ZNF704: variants seen among roughly 807,000 people sequenced by gnomAD.
The protein encoded by ZNF704 is glucocorticoid induced gene 1.
ZNF704 carries 10 observed loss-of-function variants against 44.7 expected under a neutral mutation model. The ratio of observed to expected loss-of-function variants is 0.22; its 90% CI spans 0.14 to 0.38. ZNF704 has a LOEUF of 0.38. ZNF704 is among the 10% of genes least tolerant of loss of function. The probability of loss-of-function intolerance (pLI) is 1.00; values close to 1 mark genes in which losing one functional copy is unlikely to be tolerated. For synonymous variants in ZNF704, 211 were observed against 207.6 expected (o/e 1.02, Z -0.14); for missense variants, 390 against 545.5 (o/e 0.71, Z 2.84).
intron 1 of ZNF704, among the ~76,000 whole-genome samples, chr8:80,846,341 A>G (rs1183819664): frequency 6.6e-6 from 1 of 152,132 alleles, no homozygotes; most frequent in African/African-American, 2.4e-5. Context: ...TTAGAGGGTA[A>G]GAACTAAAAG....
chr8:80,731,844 C>G (rs1465181690), intron 2 of ZNF704, among the ~76,000 whole-genome samples: 1 of 152,162 alleles, frequency 6.6e-6, no homozygotes, highest in African/African-American at 2.4e-5. Flanking sequence ...TGCACATTTT[C>G]CCTTTTTATA....
At chr8:80,728,326 G>A (rs1442452484) in intron 2 of ZNF704, among the ~76,000 whole-genome samples, 1 of 152,102 alleles carries the variant, frequency 6.6e-6, no homozygotes, top group Non-Finnish European at 1.5e-5. Flanking sequence ...TTCTCTACAG[G>A]CCACAATACA....
chr8:80,846,763 C>T (rs940168077), intron 1 of ZNF704, among the ~76,000 whole-genome samples: 2 of 152,114 alleles, frequency 1.3e-5, no homozygotes, highest in African/African-American at 4.8e-5. Flanking sequence ...ATTTCAAACT[C>T]CTAAGGAACT....
intron 3 of ZNF704, among the ~76,000 whole-genome samples, chr8:80,690,508 C>A (rs1265009474): frequency 2.0e-5 from 3 of 152,128 alleles, no homozygotes; most frequent in Admixed American, 6.5e-5. Context: ...AAGCTCAATG[C>A]AACCCCAAAA....
At chr8:80,862,764 C>CA (rs71266094) in intron 1 of ZNF704, among the ~76,000 whole-genome samples, 1,483 of 12,854 alleles carry the variant, frequency 0.12, 212 homozygotes, top group African/African-American at 0.22. Flanking sequence ...GACTCCGTCT[C>CA]AAAAAAAAAA....
At chr8:80,655,532 T>C (rs1362081739) in intron 7 of ZNF704, among the ~76,000 whole-genome samples, 2 of 152,144 alleles carry the variant, frequency 1.3e-5, no homozygotes, top group Non-Finnish European at 2.9e-5. Context: ...AAGGCAGCAA[T>C]GATGGTAGGA....
intron 5 of ZNF704, among the ~76,000 whole-genome samples, chr8:80,665,682 A>G (rs1254913869): frequency 6.6e-6 from 1 of 152,180 alleles, no homozygotes; most frequent in East Asian, 1.9e-4. Context: ...ACCTCTGAAA[A>G]CAGAGATTTA....
chr8:80,800,663 A>G (rs563815243), intron 2 of ZNF704, among the ~76,000 whole-genome samples: 8 of 152,320 alleles, frequency 5.3e-5, no homozygotes, highest in Middle Eastern at 3.4e-3. Context: ...TGAGGGAAGC[A>G]CTAAATATGA....
chr8:80,873,049 T>C (rs1049308398), intron 1 of ZNF704, among the ~76,000 whole-genome samples: 29 of 152,130 alleles, frequency 1.9e-4, no homozygotes, highest in Non-Finnish European at 2.9e-5. Context: ...TCGACAATTG[T>C]TCTTGGTTGG....
intron 1 of ZNF704, among the ~76,000 whole-genome samples, chr8:80,839,537 C>T (rs1808640007): frequency 6.6e-6 from 1 of 152,082 alleles, no homozygotes; most frequent in Admixed American, 6.6e-5. Context: ...AGAAATTAGG[C>T]AATACATATT....
rs1428535915 is a variant in ZNF704, at chr8:80,665,013, T to G, written c.729A>C (p.Thr243=). The change falls in exon 6 of 9, where the codon ACA becomes ACC. Residue 243 remains threonine (T), a synonymous_variant. Coordinates refer to ENST00000327835, the MANE Select transcript of ZNF704 (RefSeq NM_001033723.3). ...TGCTCAGCCCGTCTGCCACTGAGTC[T>G]GTGTTGAGCTTGATCTCAGTGTAGT... is the stretch of plus-strand genomic sequence containing the variant. ...DFYYTEIKLN[T]DSVADGLSSL... is the part of the protein sequence containing the mutation. 4 of 1,614,250 alleles carry G rather than the reference T, an allele frequency of 2.5e-6. No homozygotes were observed. Among genetic ancestry groups the G allele is most frequent in the Non-Finnish European group, 3.4e-6 (4 of 1,180,036 alleles).
intron 2 of ZNF704, among the ~76,000 whole-genome samples, chr8:80,701,219 C>T (rs757926343): frequency 1.3e-4 from 20 of 152,152 alleles, no homozygotes; most frequent in African/African-American, 2.9e-4. Context: ...CTCTGCTGGC[C>T]GGGCCCATCC....
upstream of ZNF704, among the ~76,000 whole-genome samples, chr8:80,878,975 G>T (rs1289221361): frequency 6.6e-6 from 1 of 152,120 alleles, no homozygotes; most frequent in African/African-American, 2.4e-5. Flanking sequence ...GCAATAAATA[G>T]AACGCTGGAT....
At chr8:80,789,541 G>A (rs1458416625) in intron 2 of ZNF704, among the ~76,000 whole-genome samples, 1 of 152,130 alleles carries the variant, frequency 6.6e-6, no homozygotes, top group Non-Finnish European at 1.5e-5. Context: ...GAGGATAAGA[G>A]TTTTGAGACT....
intron 2 of ZNF704, among the ~76,000 whole-genome samples, chr8:80,743,191 C>CAAAAAAAAAAAAAAAAAAAAAAAAAA (rs59886049): frequency 2.8e-5 from 1 of 35,824 alleles, no homozygotes; most frequent in African/African-American, 1.0e-4. Context: ...CTTGCAACTG[C>CAAAAAAAAAAAAAAAAAAAAAAAAAA]AAAAAAAAAA....
At chr8:80,778,715 A>T (rs1333370253) in intron 2 of ZNF704, among the ~76,000 whole-genome samples, 3 of 152,212 alleles carry the variant, frequency 2.0e-5, no homozygotes, top group African/African-American at 7.2e-5. Context: ...AGGATCATGG[A>T]TGGAGCTGGG....
At chr8:80,741,614 C>T (rs1161442958) in intron 2 of ZNF704, among the ~76,000 whole-genome samples, 2 of 152,192 alleles carry the variant, frequency 1.3e-5, no homozygotes, top group Non-Finnish European at 2.9e-5. Flanking sequence ...AAATATCAGG[C>T]TCTTATTTGA....
At chr8:80,736,281 C>T (rs1806663638) in intron 2 of ZNF704, among the ~76,000 whole-genome samples, 1 of 152,124 alleles carries the variant, frequency 6.6e-6, no homozygotes, top group African/African-American at 2.4e-5. Context: ...TTAAACGTTA[C>T]TTTTTTGTTA....
rs536104242 is a variant in ZNF704 at position 80,828,587 on chromosome 8, A to T, written c.-21-6972T>A. ...GAAGTCAGTAAATCTTCACTCTCCC[A>T]TTTAAATAGAATACATGCTTGTTTC... On this transcript the variant is annotated intron_variant, in intron 1 of 8. Transcript: ENST00000327835. 2.0e-5 allele frequency among the ~76,000 whole-genome samples: 3 copies of T among 152,296 alleles called. No homozygotes were observed. In the East Asian group the frequency reaches 5.8e-4, roughly 29 times the overall value.
Sources: allele counts gnomAD v4.1 joint callset (sites outside exome capture counted in the v4.1 genomes callset), GRCh38; gene constraint gnomAD v4.1.1; transcripts MANE v1.5; gene names NCBI Gene and HGNC (gene_info 2026-07-23, HGNC 2026-07-21).